ARL15: variants seen among roughly 807,000 people sequenced by gnomAD.
The protein encoded by ARL15 is ADP-ribosylation factor-like protein 15.
In ARL15, 19 loss-of-function variants were observed where a neutral mutation model predicts 25.2. The observed-to-expected ratio is 0.75, with a 90% CI of 0.53 to 1.10. ARL15 has a LOEUF of 1.10. Ranked by LOEUF, ARL15 falls within the 50% of genes least tolerant of loss-of-function variation. ARL15 has a pLI of 0.00. For synonymous variants in ARL15, 94 were observed against 86.8 expected, an observed-to-expected ratio of 1.08 and a Z score of -0.46; for missense variants, 220 against 246.0, an observed-to-expected ratio of 0.89 and a Z score of 0.71.
intron 1 of ARL15, among the ~76,000 whole-genome samples, chr5:54,281,457 C>G (rs984172857): frequency 1.3e-5 from 2 of 152,128 alleles, no homozygotes. Context: ...TTTTTCTTCC[C>G]TCCACTGCTT....
At chr5:54,028,216 C>T (rs768299747) in intron 4 of ARL15, among the ~76,000 whole-genome samples, 3 of 152,034 alleles carry the variant, frequency 2.0e-5, no homozygotes, top group East Asian at 1.9e-4. Context: ...CCACTGCACC[C>T]GGTGACAATA....
chr5:54,094,973 C>A (rs981359477), intron 4 of ARL15, among the ~76,000 whole-genome samples: 1 of 152,176 alleles, frequency 6.6e-6, no homozygotes, highest in African/African-American at 2.4e-5. Context: ...AGATGTGGCA[C>A]AACTATATGA....
intron 4 of ARL15, among the ~76,000 whole-genome samples, chr5:53,988,492 T>C (rs986703994): frequency 2.6e-5 from 4 of 152,128 alleles, no homozygotes; most frequent in African/African-American, 7.2e-5. Context: ...TGTTAGCTTC[T>C]AAAGGGTTAA....
At chr5:54,291,701 C>G (rs540902609) in intron 1 of ARL15, among the ~76,000 whole-genome samples, 1 of 152,302 alleles carries the variant, frequency 6.6e-6, no homozygotes, top group South Asian at 2.1e-4. Flanking sequence ...GTCTCCTGAA[C>G]AGGCCCCACT....
chr5:54,010,079 T>C lies in ARL15; in HGVS notation c.462+103123A>G, dbSNP rs1222914002. 3.2e-4 allele frequency among the ~76,000 whole-genome samples: 48 copies of C among 152,178 alleles called. 1 individual carries two copies. Among genetic ancestry groups the C allele is most frequent in the Admixed American group, 3.1e-3 (48 of 15,280 alleles). ...GATGACTGTTTTGAAGCGATTTGCATTCTTTTAGCAGACCTGAGTAAAAGG... is the reference window on the plus strand; with the variant it reads ...GATGACTGTTTTGAAGCGATTTGCACTCTTTTAGCAGACCTGAGTAAAAGG... On this transcript the variant is annotated intron_variant, in intron 4 of 4. Coordinates refer to ENST00000504924, the MANE Select transcript of ARL15 (RefSeq NM_019087.3).
intron 1 of ARL15, among the ~76,000 whole-genome samples, chr5:54,301,372 G>A (rs150782722): frequency 0.025 from 3,793 of 152,152 alleles, 79 homozygotes; most frequent in Non-Finnish European, 0.038. Flanking sequence ...ATGCATATAT[G>A]ATAAAAAGCC....
chr5:54,194,741 A>T (rs1305296929), intron 1 of ARL15, among the ~76,000 whole-genome samples: 1 of 152,212 alleles, frequency 6.6e-6, no homozygotes, highest in Non-Finnish European at 1.5e-5. Flanking sequence ...ACTTTTAAAC[A>T]CTAATATTTA....
intron 4 of ARL15, among the ~76,000 whole-genome samples, chr5:54,034,624 T>C (rs145040527): frequency 1.1e-4 from 16 of 152,264 alleles, no homozygotes; most frequent in Non-Finnish European, 2.4e-4. Flanking sequence ...AAAAGATACT[T>C]TGTAAACATC....
chr5:54,124,285 T>C (rs1245326083), intron 3 of ARL15, among the ~76,000 whole-genome samples: 3 of 152,204 alleles, frequency 2.0e-5, no homozygotes, highest in Non-Finnish European at 4.4e-5. Context: ...TCTAGACAGG[T>C]CGAAACAGTT....
chr5:54,016,320 G>A (rs932980917), intron 4 of ARL15, among the ~76,000 whole-genome samples: 2 of 152,156 alleles, frequency 1.3e-5, no homozygotes, highest in African/African-American at 2.4e-5. Flanking sequence ...GAGATGGTAA[G>A]TAGACAGTGA....
intron 1 of ARL15, among the ~76,000 whole-genome samples, chr5:54,283,873 G>A (rs2112673799): frequency 6.6e-6 from 1 of 152,238 alleles, no homozygotes; most frequent in East Asian, 1.9e-4. Flanking sequence ...TGCTTAAAGG[G>A]AACTGACTCT....
intron 4 of ARL15, among the ~76,000 whole-genome samples, chr5:54,043,719 G>A (rs191149470): frequency 2.6e-5 from 4 of 152,004 alleles, no homozygotes; most frequent in Admixed American, 6.6e-5. Context: ...ATACAACACC[G>A]AAAACAAATT....
At chr5:53,922,787 A>T (rs1028295443) in intron 4 of ARL15, among the ~76,000 whole-genome samples, 7 of 152,226 alleles carry the variant, frequency 4.6e-5, no homozygotes, top group Non-Finnish European at 1.0e-4. Flanking sequence ...CCACTTTTCC[A>T]TCTGTGCTGA....
At chr5:54,117,932 A>G (rs1402363897) in intron 3 of ARL15, among the ~76,000 whole-genome samples, 3 of 152,310 alleles carry the variant, frequency 2.0e-5, no homozygotes, top group East Asian at 1.9e-4. Flanking sequence ...TTCAGTGATG[A>G]GATTGGTGGT....
At chr5:54,152,982 C>G (rs1322400073) in intron 3 of ARL15, among the ~76,000 whole-genome samples, 1 of 152,126 alleles carries the variant, frequency 6.6e-6, no homozygotes, top group East Asian at 1.9e-4. Context: ...TTGTTTCATC[C>G]AAGTAAACAT....
At chr5:54,252,738 T>A (rs1461465065) in intron 1 of ARL15, among the ~76,000 whole-genome samples, 1 of 152,140 alleles carries the variant, frequency 6.6e-6, no homozygotes, top group African/African-American at 2.4e-5. Flanking sequence ...TGTTTTGTAT[T>A]TTTGGAGACA....
At chr5:53,955,454 G>A (rs563060257) in intron 4 of ARL15, among the ~76,000 whole-genome samples, 3 of 152,186 alleles carry the variant, frequency 2.0e-5, no homozygotes, top group South Asian at 2.1e-4. Flanking sequence ...AGAATTTTTC[G>A]ATAAATAAAA....
chr5:53,947,526 C>A lies in ARL15; in HGVS notation c.463-60813G>T, dbSNP rs1295256936. Among the ~76,000 whole-genome samples the A allele has an allele frequency of 3.9e-5, 6 of 152,108 alleles. No homozygotes were observed. In the East Asian group the frequency reaches 1.2e-3, roughly 29 times the overall value. ...GAGATATATCTGTGAATATGTAGAG[C>A]AAACCCTGATGCAGGGCATTTAATA... On this transcript the variant is annotated intron_variant, in intron 4 of 4. Transcript: ENST00000504924.
chr5:54,067,854 TCTC>T (rs527970794), intron 4 of ARL15, among the ~76,000 whole-genome samples: 162 of 152,254 alleles, frequency 1.1e-3, no homozygotes, highest in Middle Eastern at 3.4e-3. Context: ...CAGTTCCCTT[TCTC>T]CTAAGTTTCA....
Sources: gnomAD v4.1 joint callset for allele counts (sites outside exome capture counted in the v4.1 genomes callset) on GRCh38, gnomAD v4.1.1 for gene constraint, MANE v1.5 for transcripts, NCBI Gene and HGNC (gene_info 2026-07-23, HGNC 2026-07-21) for gene names.